Variants in XRCC6 observed in about 807,000 individuals in gnomAD.
XRCC6 encodes X-ray repair cross complementing 6, also known as DNA repair protein Ku70.
A neutral mutation model predicts 65.7 loss-of-function variants in XRCC6; 5 were observed. The observed-to-expected ratio is 0.08, with a 90% CI of 0.04 to 0.16. The LOEUF (loss-of-function observed/expected upper bound fraction) is 0.16, where lower values mean the gene tolerates loss of function less well. Among genes scored for constraint, XRCC6 ranks in the 10% least tolerant of loss-of-function variants. The pLI is 1.00. For missense variants in XRCC6, 447 were observed against 738.1 expected, an observed-to-expected ratio of 0.61 and a Z score of 4.57; for synonymous variants, 270 against 270.6, an observed-to-expected ratio of 1.00 and a Z score of 0.02.
At chr22:41,660,308 G>A (rs1416112781) in intron 11 of XRCC6, among the ~76,000 whole-genome samples, 1 of 152,116 alleles carries the variant, frequency 6.6e-6, no homozygotes, top group Non-Finnish European at 1.5e-5. Flanking sequence ...TGTCATACTT[G>A]CTCCCCCTGT....
chr22:41,658,142 G>GTT, intron 10 of XRCC6, 110 bp from the exon 11 acceptor site: 1 of 1,036,100 alleles, frequency 9.7e-7, no homozygotes, highest in Non-Finnish European at 1.4e-6. Flanking sequence ...TTTACTTGGG[G>GTT]TGTTTTTCTC....
chr22:41,640,642 T>G (rs1023264555), intron 6 of XRCC6, among the ~76,000 whole-genome samples: 3 of 152,210 alleles, frequency 2.0e-5, no homozygotes, highest in East Asian at 1.9e-4. Context: ...CCCAAGAAAT[T>G]TTTTTGAGGA....
chr22:41,653,026 T>C (rs1012957594), intron 8 of XRCC6, among the ~76,000 whole-genome samples: 15 of 152,264 alleles, frequency 9.9e-5, no homozygotes, highest in African/African-American at 2.9e-4. Context: ...TTATTCCTTT[T>C]TAAATTTTCC....
intron 9 of XRCC6, among the ~76,000 whole-genome samples, chr22:41,655,942 AAGG>A (rs2068040952): frequency 6.6e-6 from 1 of 151,788 alleles, no homozygotes; most frequent in East Asian, 2.0e-4. Flanking sequence ...TAAAATAGAA[AAGG>A]AGGCCAGGCA....
In XRCC6 at chr22:41,658,352, T is replaced by C. The variant is rs1435645584; in HGVS notation, c.1522T>C (p.Leu508=). The part of the protein sequence containing the change: ...MEPEQAVDLT[L]PKVEAMNKRL... The stretch of plus-strand genomic sequence containing the variant: ...GCCGGAACAAGCAGTGGACCTGACA[T>C]GTAAGGAGGTTGAATAGAGTAGTTC... The change falls in exon 11 of 13, where the codon TTG becomes CTG. Residue 508 remains leucine (L), a splice_region_variant and synonymous_variant. Coordinates refer to ENST00000360079, the MANE Select transcript of XRCC6 (RefSeq NM_001469.5). 1 of 1,613,864 alleles carries C rather than the reference T, an allele frequency of 6.2e-7. No homozygotes were observed. Among genetic ancestry groups the C allele is most frequent in the Non-Finnish European group, 8.5e-7 (1 of 1,179,922 alleles).
chr22:41,651,361 A>ATTTTTTTT (rs764795746), intron 8 of XRCC6, among the ~76,000 whole-genome samples: 2 of 49,758 alleles, frequency 4.0e-5, no homozygotes, highest in African/African-American at 6.2e-5. Context: ...AGTTAAACAG[A>ATTTTTTTT]TTTTTTTTTT....
At position 41,628,103 on chromosome 22, in the gene XRCC6, T is replaced by C; in HGVS notation, c.83-15T>C. 1 of 1,552,026 alleles carries C rather than the reference T, an allele frequency of 6.4e-7. No individual in the cohort carries two copies. Among genetic ancestry groups the C allele is most frequent in the Non-Finnish European group, 8.8e-7 (1 of 1,139,964 alleles). Reference sequence around the variant, plus strand: ...AAACAAGGACAAACATTTTCTTCCATTTTTTTCCCCATAGGAGACTATAAA... The same window carrying C: ...AAACAAGGACAAACATTTTCTTCCACTTTTTTCCCCATAGGAGACTATAAA... On this transcript the variant is annotated splice_polypyrimidine_tract_variant and intron_variant, in intron 2 of 12. Coordinates refer to ENST00000360079, the MANE Select transcript of XRCC6 (RefSeq NM_001469.5).
At chr22:41,657,347 TAAATC>T (rs2068053866) in intron 10 of XRCC6, among the ~76,000 whole-genome samples, 1 of 152,042 alleles carries the variant, frequency 6.6e-6, no homozygotes, top group African/African-American at 2.4e-5. Context: ...CAAAAGTAAA[TAAATC>T]TAGTGTAAAT....
chr22:41,643,131 G>T (rs2067895504), intron 6 of XRCC6, among the ~76,000 whole-genome samples: 1 of 152,236 alleles, frequency 6.6e-6, no homozygotes, highest in South Asian at 2.1e-4. Context: ...GTTATAGCTG[G>T]CCGGGTGCGG....
intron 2 of XRCC6, among the ~76,000 whole-genome samples, chr22:41,622,756 C>T (rs1228430795): frequency 1.3e-5 from 2 of 151,946 alleles, no homozygotes; most frequent in Admixed American, 6.6e-5. Context: ...CTGGTTAACA[C>T]GGTGAAACCC....
chr22:41,653,274 T>C (rs915076287), intron 8 of XRCC6, among the ~76,000 whole-genome samples: 3 of 152,076 alleles, frequency 2.0e-5, no homozygotes, highest in Non-Finnish European at 4.4e-5. Flanking sequence ...TGTGGTGGTG[T>C]GTGACTGTAG....
intron 7 of XRCC6, among the ~76,000 whole-genome samples, chr22:41,649,464 A>T (rs968441772): frequency 6.6e-6 from 1 of 151,780 alleles, no homozygotes; most frequent in African/African-American, 2.4e-5. Flanking sequence ...GCATGAGTCA[A>T]CGTGCCCTGC....
At chr22:41,645,003 A>G (rs1400359633) in intron 6 of XRCC6, among the ~76,000 whole-genome samples, 4 of 152,058 alleles carry the variant, frequency 2.6e-5, no homozygotes, top group Non-Finnish European at 4.4e-5. Flanking sequence ...GTGGCAAGCA[A>G]TAAAAACTGA....
intron 7 of XRCC6, among the ~76,000 whole-genome samples, chr22:41,650,334 G>A (rs2067983241): frequency 6.6e-6 from 1 of 151,938 alleles, no homozygotes; most frequent in Non-Finnish European, 1.5e-5. Flanking sequence ...TGAACTCCTG[G>A]GCTCAAGCAG....
rs764889852 is a variant in XRCC6, at chr22:41,663,665, A to G, written c.1680A>G (p.Ser560=). 6.2e-6 allele frequency: 10 copies of G among 1,613,858 alleles called. No homozygotes were observed. Among genetic ancestry groups the G allele is most frequent in the African/African-American group, 4.0e-5 (3 of 74,908 alleles). The stretch of plus-strand genomic sequence containing the variant: ...GCAAAAGGCCCAAGGTGGAGTATTC[A>G]GAAGAGGAGCTGAAGACCCACATCA... ...SGSKRPKVEY[S]EEELKTHISK... is the part of the protein sequence containing the mutation. Residue 560 remains serine, a synonymous_variant, in exon 13 of 13, where the codon TCA becomes TCG. Transcript: ENST00000360079.
intron 2 of XRCC6, among the ~76,000 whole-genome samples, chr22:41,624,422 C>T (rs991727486): frequency 3.3e-5 from 5 of 151,420 alleles, no homozygotes; most frequent in Non-Finnish European, 7.4e-5. Context: ...CGCGGTGGCT[C>T]ACCTCTATAA....
At chr22:41,635,106 C>A (rs1453729337) in intron 3 of XRCC6, among the ~76,000 whole-genome samples, 1 of 152,092 alleles carries the variant, frequency 6.6e-6, no homozygotes, top group Non-Finnish European at 1.5e-5. Context: ...CCGAGGATGC[C>A]CAAGTCCCTT....
intron 2 of XRCC6, among the ~76,000 whole-genome samples, chr22:41,622,666 C>T (rs528318439): frequency 3.9e-5 from 6 of 152,118 alleles, no homozygotes; most frequent in African/African-American, 4.8e-5. Context: ...AACGGCCAGG[C>T]GCGGTGTCTC....
At chr22:41,629,662 A>AT (rs1470793131) in intron 3 of XRCC6, among the ~76,000 whole-genome samples, 1 of 151,868 alleles carries the variant, frequency 6.6e-6, no homozygotes, top group Non-Finnish European at 1.5e-5. Flanking sequence ...GTATTTATTT[A>AT]TTTATTTATT....
Sources: allele counts gnomAD v4.1 joint callset (sites outside exome capture counted in the v4.1 genomes callset), GRCh38; gene constraint gnomAD v4.1.1; transcripts MANE v1.5; gene names NCBI Gene and HGNC (gene_info 2026-07-23, HGNC 2026-07-21).